Variants in ZBTB40 observed in about 807,000 individuals in gnomAD.
ZBTB40 encodes the protein zinc finger and BTB domain-containing protein 40.
In ZBTB40, 60 loss-of-function variants were observed where a neutral mutation model predicts 117.5. The observed-to-expected ratio is 0.51, with a 90% CI of 0.41 to 0.63. ZBTB40 has a LOEUF of 0.63. Among genes scored for constraint, ZBTB40 ranks in the 30% least tolerant of loss-of-function variants. The pLI is 0.00. For missense variants in ZBTB40, 1,287 were observed against 1,498.5 expected (o/e 0.86, Z 2.33); for synonymous variants, 525 against 577.1 (o/e 0.91, Z 1.29).
rs1301604634 is a variant in ZBTB40 at position 22,506,111 on chromosome 1, A to G, written c.1230A>G (p.Arg410=). ...PKETIENLLH[R]MTEEKTLTAE... ...AGACAATAGAAAATTTGTTGCACAGAATGACTGAAGAGAAGACGCTGACTG... is the reference window on the plus strand; with the variant it reads ...AGACAATAGAAAATTTGTTGCACAGGATGACTGAAGAGAAGACGCTGACTG... The change falls in exon 6 of 18, where the codon AGA becomes AGG. Residue 410 remains arginine (R), a synonymous_variant. Coordinates refer to ENST00000375647, the MANE Select transcript of ZBTB40 (RefSeq NM_014870.4). 1 of 1,614,070 alleles carries G rather than the reference A, an allele frequency of 6.2e-7. No individual in the cohort carries two copies. The highest frequency in any genetic ancestry group is 2.2e-5 in the East Asian group (1 of 44,890).
chr1:22,434,473 T>G (rs1021586342), intron 1 of ZBTB40, among the ~76,000 whole-genome samples: 1 of 152,236 alleles, frequency 6.6e-6, no homozygotes, highest in African/African-American at 2.4e-5. Context: ...TTTATGGTTT[T>G]GGGAATTTGA....
At chr1:22,432,081 C>G (rs1640598867) in intron 1 of ZBTB40, among the ~76,000 whole-genome samples, 1 of 152,114 alleles carries the variant, frequency 6.6e-6, no homozygotes, top group Non-Finnish European at 1.5e-5. Flanking sequence ...GGGGTAGACT[C>G]TGAACATTAC....
chr1:22,453,431 A>C (rs1640930578), intron 1 of ZBTB40, among the ~76,000 whole-genome samples: 1 of 152,214 alleles, frequency 6.6e-6, no homozygotes. Flanking sequence ...GAACAAGACA[A>C]ATATGATTTC....
intron 11 of ZBTB40, 116 bp downstream of exon 11, chr1:22,512,250 A>G: frequency 8.6e-7 from 1 of 1,162,406 alleles, no homozygotes; most frequent in East Asian, 2.5e-5. Flanking sequence ...TAGAAAATAG[A>G]GCAGGTTCCT....
intron 1 of ZBTB40, among the ~76,000 whole-genome samples, chr1:22,464,111 G>A (rs1239035722): frequency 1.3e-5 from 2 of 152,202 alleles, no homozygotes; most frequent in Non-Finnish European, 2.9e-5. Flanking sequence ...AGTGCTTTAG[G>A]TGTAACTCAT....
chr1:22,437,384 T>A (rs1211383771), intron 1 of ZBTB40, among the ~76,000 whole-genome samples: 1 of 151,906 alleles, frequency 6.6e-6, no homozygotes, highest in African/African-American at 2.4e-5. Flanking sequence ...TTTTTTTCGA[T>A]TTTTTTATTG....
In ZBTB40 at chr1:22,464,734, A is replaced by G. The variant is rs558267731; in HGVS notation, c.-70+12730A>G. Among the ~76,000 whole-genome samples the G allele has an allele frequency of 1.0e-3, 157 of 152,342 alleles. 1 individual carries two copies. Among genetic ancestry groups the G allele is most frequent in the African/African-American group, 3.6e-3 (149 of 41,572 alleles). ...TCTATATTTTTAAATGCAAATATGTATATGCATGCACACATATTTTTAAAC... is the reference window on the plus strand; with the variant it reads ...TCTATATTTTTAAATGCAAATATGTGTATGCATGCACACATATTTTTAAAC... On this transcript the variant is annotated intron_variant, in intron 1 of 17. Coordinates refer to ENST00000375647, the MANE Select transcript of ZBTB40 (RefSeq NM_014870.4).
intron 17 of ZBTB40, 113 bp downstream of exon 17, chr1:22,524,557 G>A (rs1639626275): frequency 8.1e-7 from 1 of 1,229,628 alleles, no homozygotes; most frequent in Admixed American, 2.0e-5. Flanking sequence ...CTTGTAGAGA[G>A]TCTCTCTGGA....
At chr1:22,475,641 T>A (rs1178827766) in intron 1 of ZBTB40, among the ~76,000 whole-genome samples, 1 of 152,250 alleles carries the variant, frequency 6.6e-6, no homozygotes, top group Non-Finnish European at 1.5e-5. Flanking sequence ...TCTGTTTTTT[T>A]CTTCTCTCCT....
intron 1 of ZBTB40, among the ~76,000 whole-genome samples, chr1:22,436,008 A>C (rs2124362843): frequency 6.6e-6 from 1 of 151,714 alleles, no homozygotes; most frequent in East Asian, 2.0e-4. Flanking sequence ...GACAACACCA[A>C]CTGTTGATGA....
Position 22,481,787 on chromosome 1 carries a change from CAAAAAAAAAAAAA to C in ZBTB40, c.-69-8077_-69-8065del, listed in dbSNP as rs766474050. 1.1e-4 allele frequency among the ~76,000 whole-genome samples: 7 copies of C among 64,302 alleles called. No individual in the cohort carries two copies. In the Admixed American group the frequency reaches 1.3e-3, roughly 12 times the overall value. The allele number at this position is 64,302 out of a possible 152,430, so 42.2% of individuals were successfully genotyped here. ...CCGTAAGACTTATGTCTTGTTTTAC[CAAAAAAAAAAAAA>C]AAAAAAAAAAAAAAATCACATTACA... On this transcript the variant is annotated intron_variant, in intron 1 of 17. Coordinates refer to ENST00000375647, the MANE Select transcript of ZBTB40 (RefSeq NM_014870.4).
At chr1:22,508,833 C>CTTA in intron 8 of ZBTB40, 102 bp downstream of exon 8, 1 of 1,268,766 alleles carries the variant, frequency 7.9e-7, no homozygotes, top group Non-Finnish European at 1.1e-6. Context: ...CACCTACATC[C>CTTA]CTACTATTAG....
At chr1:22,431,418 A>ATAT (rs1640588520) in intron 1 of ZBTB40, among the ~76,000 whole-genome samples, 1 of 142,282 alleles carries the variant, frequency 7.0e-6, no homozygotes, top group African/African-American at 2.6e-5. Context: ...ATGTATATAT[A>ATAT]GTAATTGTTA....
chr1:22,459,800 C>T (rs1641088972), intron 1 of ZBTB40, among the ~76,000 whole-genome samples: 1 of 152,130 alleles, frequency 6.6e-6, no homozygotes, highest in African/African-American at 2.4e-5. Flanking sequence ...GGAGAACTAG[C>T]ATCTTTACCA....
intron 10 of ZBTB40, 27 bp from the exon 11 acceptor site, chr1:22,511,649 G>A: frequency 1.2e-6 from 2 of 1,608,138 alleles, no homozygotes; most frequent in Non-Finnish European, 1.7e-6. Context: ...AGAGTTCGCA[G>A]AGCCACGAGA....
Position 22,526,552 on chromosome 1 carries a change from G to A in ZBTB40, c.*156G>A, listed in dbSNP as rs1028388291. The A allele has an allele frequency of 1.0e-5, 10 of 963,800 alleles. No homozygotes were observed. The highest frequency in any genetic ancestry group is 2.9e-5 in the South Asian group (2 of 70,114). 59.7% of individuals were successfully genotyped at this position (963,800 alleles called of 1,614,324 possible). ...CACCTAGAAAACAGATGGAAGCTTC[G>A]TTGTTCTCATAGAACCAACAGCATC... On this transcript the variant is annotated 3_prime_UTR_variant, in exon 18 of 18. Coordinates refer to ENST00000375647, the MANE Select transcript of ZBTB40 (RefSeq NM_014870.4).
At chr1:22,473,486 A>G (rs1186464011) in intron 1 of ZBTB40, among the ~76,000 whole-genome samples, 2 of 152,244 alleles carry the variant, frequency 1.3e-5, no homozygotes, top group Non-Finnish European at 2.9e-5. Context: ...GAAAGAGCTT[A>G]GAAACATAGT....
intron 3 of ZBTB40, among the ~76,000 whole-genome samples, chr1:22,498,489 A>G (rs190941251): frequency 4.6e-5 from 7 of 152,356 alleles, no homozygotes; most frequent in Admixed American, 3.9e-4. Context: ...AAGAAAGAGC[A>G]GAGAGAGCAG....
At chr1:22,462,378 A>G (rs548186227) in intron 1 of ZBTB40, among the ~76,000 whole-genome samples, 13 of 152,300 alleles carry the variant, frequency 8.5e-5, no homozygotes, top group East Asian at 3.9e-4. Context: ...AATAGTAACT[A>G]TCTCACTGGT....
Sources: allele counts gnomAD v4.1 joint callset (sites outside exome capture counted in the v4.1 genomes callset), GRCh38; gene constraint gnomAD v4.1.1; transcripts MANE v1.5; gene names NCBI Gene and HGNC (gene_info 2026-07-23, HGNC 2026-07-21).